Variants in TTC21A observed in about 807,000 individuals in gnomAD.
The protein encoded by TTC21A is tetratricopeptide repeat domain 21A, also known as tetratricopeptide repeat protein 21A.
A neutral mutation model predicts 156.4 loss-of-function variants in TTC21A; 128 were observed. The observed-to-expected ratio is 0.82, with a 90% confidence interval of 0.71 to 0.95. The LOEUF is 0.95. Among genes scored for constraint, TTC21A ranks in the 40% least tolerant of loss-of-function variants. The pLI is 0.00. For synonymous variants in TTC21A, 587 were observed against 617.1 expected (o/e 0.95, Z 0.72); for missense variants, 1,435 against 1,602.3 (o/e 0.90, Z 1.78).
At position 39,110,127 on chromosome 3, in the gene TTC21A, T is replaced by C; in HGVS notation, c.256T>C (p.Cys86Arg). The C allele has an allele frequency of 6.2e-7, 1 of 1,613,652 alleles. No individual in the cohort carries two copies. The highest frequency in any genetic ancestry group is 1.3e-5 in the African/African-American group (1 of 75,028). Reference protein sequence around the residue: ...TMALIYAHKRCEIIDREAIQE... With the variant: ...TMALIYAHKRREIIDREAIQE... ...GGCCCTCATTTATGCTCACAAAAGA[T>C]GTGAAATCATTGGTGAGTGCCACCA... Residue 86 changes from cysteine to arginine, a missense_variant, in exon 3 of 29, where the codon TGT becomes CGT. Physicochemically the swap from Cys to Arg is radical, Grantham distance 180. Coordinates refer to ENST00000683103, the MANE Select transcript of TTC21A (RefSeq NM_001366900.1).
At position 39,107,803 on chromosome 3, in the gene TTC21A, A is replaced by C; in HGVS notation, c.-35A>C. On this transcript the variant is annotated 5_prime_UTR_variant, in exon 1 of 29. Coordinates refer to ENST00000683103, the MANE Select transcript of TTC21A (RefSeq NM_001366900.1). ...CGGGAATCCCGCTCTGCACCGCCCC[A>C]CCAGACCCGGACTCGGAGCCGCGAG... 8 of 1,611,968 alleles carry C rather than the reference A, an allele frequency of 5.0e-6. No homozygotes were observed. Among genetic ancestry groups the C allele is most frequent in the Non-Finnish European group, 6.8e-6 (8 of 1,179,874 alleles).
intron 10 of TTC21A, 45 bp from the exon 11 acceptor site, chr3:39,125,287 G>A: frequency 6.3e-7 from 1 of 1,598,744 alleles, no homozygotes; most frequent in Non-Finnish European, 8.6e-7. Context: ...TACCAAATCT[G>A]CCCAGGCTGA....
Position 39,136,336 on chromosome 3 carries a change from G to T in TTC21A, c.2945-21G>T, listed in dbSNP as rs374410660. The T allele has an allele frequency of 5.6e-6, 9 of 1,604,326 alleles. No individual in the cohort carries two copies. In the African/African-American group the frequency reaches 9.4e-5, roughly 17 times the overall value. On this transcript the variant is annotated intron_variant, in intron 22 of 28. Transcript: ENST00000683103. The stretch of plus-strand genomic sequence containing the variant: ...CAGCTACTGGGCATTTCAGCCTGGA[G>T]ATTTCTGTCTCTTATTTTAGACAAT...
intron 24 of TTC21A, 32 bp downstream of exon 24, chr3:39,137,092 T>C (rs2039170725): frequency 6.2e-7 from 1 of 1,606,324 alleles, no homozygotes; most frequent in Admixed American, 1.7e-5. Context: ...GGCGGAACCC[T>C]GGGGAAGTTA....
chr3:39,128,248 T>C, intron 12 of TTC21A, 83 bp from the exon 13 acceptor site: 3 of 1,449,714 alleles, frequency 2.1e-6, no homozygotes, highest in East Asian at 4.6e-5. Context: ...GAACAGGACA[T>C]GTAAAATTCA....
intron 15 of TTC21A, 104 bp from the exon 16 acceptor site, chr3:39,129,975 A>G: frequency 1.7e-6 from 2 of 1,172,870 alleles, no homozygotes; most frequent in East Asian, 4.9e-5. Flanking sequence ...TGATGAATGA[A>G]TGAATGTCAG....
intron 1 of TTC21A, chr3:39,108,214 C>G (rs2036414973): frequency 2.0e-6 from 1 of 492,194 alleles, no homozygotes; most frequent in Non-Finnish European, 3.6e-6. Flanking sequence ...TTAACTCATA[C>G]CTCTTCCCTA....
intron 4 of TTC21A, 61 bp from the exon 5 acceptor site, chr3:39,112,397 C>T (rs2036910449): frequency 3.2e-6 from 5 of 1,577,306 alleles, no homozygotes; most frequent in East Asian, 2.2e-5. Context: ...GGATCATGTG[C>T]AGGCTGAGTT....
chr3:39,133,345 G>A (rs2038878644), intron 20 of TTC21A, 105 bp downstream of exon 20: 1 of 1,188,714 alleles, frequency 8.4e-7, no homozygotes, highest in African/African-American at 1.5e-5. Flanking sequence ...ATTCTTCCCT[G>A]AGGAGTCACA....
chr3:39,127,783 GA>G (rs2038391758), intron 12 of TTC21A, among the ~76,000 whole-genome samples: 1 of 152,218 alleles, frequency 6.6e-6, no homozygotes, highest in Admixed American at 6.5e-5. Flanking sequence ...AATAGGCCTG[GA>G]CGTAAATGCC....
chr3:39,121,160 T>A lies in TTC21A; in HGVS notation c.1064T>A (p.Leu355Gln), dbSNP rs767289348. 3.7e-6 allele frequency: 6 copies of A among 1,613,662 alleles called. No homozygotes were observed. The African/African-American group carries it at 8.0e-5, about 22-fold the overall frequency. The stretch of plus-strand genomic sequence containing the variant: ...CTGTGGTATTCAGAAGCCATGAAAC[T>A]GGACAAGGATGGCATGGCTGGTTTG... ...ALLWYSEAMK[L>Q]DKDGMAGLTG... Residue 355 changes from leucine (L) to glutamine (Q), a missense_variant, in exon 9 of 29, where the codon CTG becomes CAG. Leu to Gln is a moderately radical substitution (Grantham distance 113, BLOSUM62 -2). Coordinates refer to ENST00000683103, the MANE Select transcript of TTC21A (RefSeq NM_001366900.1).
At position 39,134,280 on chromosome 3, in the gene TTC21A, C is replaced by T. The variant is rs376974994; in HGVS notation, c.2814C>T (p.His938=). ...GGCACCTGGACCTGTGTGAGCAGCACTGTGCCATCCTCCTGCAGACTGAGC... is the reference window on the plus strand; with the variant it reads ...GGCACCTGGACCTGTGTGAGCAGCATTGTGCCATCCTCCTGCAGACTGAGC... The part of the protein sequence containing the change: ...LQGHLDLCEQ[H]CAILLQTEQN... The change falls in exon 21 of 29, where the codon CAC becomes CAT. Residue 938 remains histidine (H), a synonymous_variant. Transcript: ENST00000683103. The surrounding 1 kb of genome is among the most constrained non-coding windows in gnomAD (Gnocchi z 4.6). The T allele has an allele frequency of 2.7e-5, 44 of 1,613,988 alleles. No homozygotes were observed. In the African/African-American group the frequency reaches 3.6e-4, roughly 13 times the overall value.
chr3:39,112,605 G>T, intron 5 of TTC21A, 25 bp downstream of exon 5: 1 of 1,612,394 alleles, frequency 6.2e-7, no homozygotes. Flanking sequence ...AGGGAGAGGT[G>T]GAAGTATTCC....
rs907988859 is a variant in TTC21A, at chr3:39,119,989, A to G, written c.869A>G (p.His290Arg). The change falls in exon 8 of 29, where the codon CAT becomes CGT. Residue 290 changes from histidine (H) to arginine (R), a missense_variant. His to Arg is a conservative substitution (Grantham distance 29). Transcript: ENST00000683103. ...AGGGAACCCGAAAATCCAAGCCTCC[A>G]TCTTAAAAAAATTATTGTGGTTAGC... ...ETREPENPSL[H>R]LKKIIVVSRL... 1.2e-6 allele frequency: 2 copies of G among 1,608,892 alleles called. No homozygotes were observed. Among genetic ancestry groups the G allele is most frequent in the Non-Finnish European group, 1.7e-6 (2 of 1,175,826 alleles).
chr3:39,110,439 A>T, intron 3 of TTC21A: 1 of 530,318 alleles, frequency 1.9e-6, no homozygotes, highest in Non-Finnish European at 3.4e-6. Context: ...TTGTCAGAAA[A>T]ACCAAGCCAA....
At chr3:39,135,248 C>T (rs192187872) in intron 22 of TTC21A, 74 bp downstream of exon 22, 5 of 1,256,266 alleles carry the variant, frequency 4.0e-6, no homozygotes, top group Non-Finnish European at 4.7e-6. Context: ...AAGGGTGGGA[C>T]CTCTCCCTCC....
Position 39,112,579 on chromosome 3 carries a change from A to AGGT in TTC21A, c.558+2_558+4dup, listed in dbSNP as rs2036926471. 6.2e-7 allele frequency: 1 copy of AGGT among 1,614,038 alleles called. No individual in the cohort carries two copies. Among genetic ancestry groups the AGGT allele is most frequent in the East Asian group, 2.2e-5 (1 of 44,882 alleles). ...AAAGATGTGCTGGGGCTGATGGGAA[A>AGGT]GGTGGGCAGTGGAAAAGGGAGAGGT... On this transcript the variant is annotated inframe_insertion and splice_region_variant, in exon 5 of 29. Coordinates refer to ENST00000683103, the MANE Select transcript of TTC21A (RefSeq NM_001366900.1).
chr3:39,112,496 C>G lies in TTC21A; in HGVS notation c.474C>G (p.Asp158Glu). 1 of 1,614,208 alleles carries G rather than the reference C, an allele frequency of 6.2e-7. No individual in the cohort carries two copies. The highest frequency in any genetic ancestry group is 1.1e-5 in the South Asian group (1 of 91,082). Residue 158 changes from aspartate to glutamate, a missense_variant, in exon 5 of 29, where the codon GAC becomes GAG. Asp to Glu is a conservative substitution (Grantham distance 45). Coordinates refer to ENST00000683103, the MANE Select transcript of TTC21A (RefSeq NM_001366900.1). ...VLRGWVDLTS[D>E]KPHTAKKAIE... ...GAGGCTGGGTGGACCTGACCTCAGA[C>G]AAGCCCCACACTGCGAAGAAAGCCA...
rs778633080 is a variant in TTC21A at position 39,131,016 on chromosome 3, A to C, written c.2483A>C (p.Asn828Thr). Residue 828 changes from asparagine to threonine, a missense_variant, in exon 19 of 29, where the codon AAT (asparagine) becomes ACT (threonine). Transcript: ENST00000683103. The stretch of plus-strand genomic sequence containing the variant: ...GTCCAAGACATCCCATCCATGATGA[A>C]TGATGTTAAGTGCCTGCTTTTGCTG... ...DIVQDIPSMMNDVKCLLLLAK... is the reference protein window; with the variant it reads ...DIVQDIPSMMTDVKCLLLLAK... The C allele has an allele frequency of 5.0e-6, 8 of 1,613,830 alleles. 1 individual carries two copies. The highest frequency in any genetic ancestry group is 6.8e-6 in the Non-Finnish European group (8 of 1,180,010).
Sources: allele counts gnomAD v4.1 joint callset (sites outside exome capture counted in the v4.1 genomes callset), GRCh38; gene constraint gnomAD v4.1.1; non-coding constraint Gnocchi (gnomAD v3.1); transcripts MANE v1.5; gene names NCBI Gene and HGNC (gene_info 2026-07-23, HGNC 2026-07-21).